The following MOG variants were observed in gnomAD, a reference collection of about 807,000 sequenced individuals.
MOG encodes myelin oligodendrocyte glycoprotein, also known as myelin-oligodendrocyte glycoprotein.
Under a neutral mutation model 35.9 loss-of-function variants are expected in MOG, and 20 were observed. The observed-to-expected ratio is 0.56, with a 90% CI of 0.39 to 0.81. The LOEUF (loss-of-function observed/expected upper bound fraction) is 0.81, where lower values mean the gene tolerates loss of function less well. Ranked by LOEUF, MOG falls within the 30% of genes least tolerant of loss-of-function variation. The pLI, the probability that MOG is intolerant of heterozygous loss-of-function variation, is 0.00. For synonymous variants in MOG, 92 were observed against 114.3 expected (o/e 0.80, Z 1.25); for missense variants, 251 against 301.0 (o/e 0.83, Z 1.23).
chr6:29,665,531 T>G (rs557647745), intron 2 of MOG, among the ~76,000 whole-genome samples: 1 of 152,270 alleles, frequency 6.6e-6, no homozygotes, highest in African/African-American at 2.4e-5. Flanking sequence ...TATTTTTTAT[T>G]CCCTATTTAA....
chr6:29,657,841 C>T (rs1351811213), intron 1 of MOG, among the ~76,000 whole-genome samples: 6 of 151,854 alleles, frequency 4.0e-5, no homozygotes, highest in Admixed American at 3.9e-4. Flanking sequence ...GATGGGGTTT[C>T]ACCATGTTGG....
chr6:29,658,622 C>T (rs184054120), intron 1 of MOG, among the ~76,000 whole-genome samples: 3 of 152,264 alleles, frequency 2.0e-5, no homozygotes, highest in Non-Finnish European at 2.9e-5. Flanking sequence ...AACAGGGAGG[C>T]CCATAGGAGG....
chr6:29,658,937 C>A (rs1254662854), intron 1 of MOG, among the ~76,000 whole-genome samples: 2 of 152,138 alleles, frequency 1.3e-5, no homozygotes, highest in Admixed American at 1.3e-4. Context: ...CAGTGTGAAA[C>A]CTCATCTTTA....
At position 29,672,130 on chromosome 6, in the gene MOG, T is replaced by C. The variant is rs1771601093; in HGVS notation, c.*945T>C. On this transcript the variant is annotated 3_prime_UTR_variant, in exon 8 of 8. Transcript: ENST00000376917. Reference sequence around the variant, plus strand: ...GGTGAAACCCCATCTCTACTAAAAATACAAACAATTAACTGAGCATAGTGG... The same window carrying C: ...GGTGAAACCCCATCTCTACTAAAAACACAAACAATTAACTGAGCATAGTGG... 6.5e-6 allele frequency: 1 copy of C among 153,246 alleles called. No individual in the cohort carries two copies. The highest frequency in any genetic ancestry group is 1.4e-5 in the Non-Finnish European group (1 of 69,108). The allele number at this position is 153,246 out of a possible 1,614,324, so 9.5% of individuals were successfully genotyped here. A position where few individuals can be genotyped will look rare whatever the true frequency, so the allele number is the denominator to read the frequency against.
rs180751649 is a variant in MOG, at chr6:29,664,270, C to T, written c.437-1882C>T. On this transcript the variant is annotated intron_variant, in intron 2 of 7. Coordinates refer to ENST00000376917, the MANE Select transcript of MOG (RefSeq NM_206809.4). ...TTACCCAGGCTGGAGTGCAATGGTG[C>T]AATCTCGGCTCACTGCACCCTCCAA... Among the ~76,000 whole-genome samples, 283 of 150,884 alleles carry T rather than the reference C, an allele frequency of 1.9e-3. 1 individual carries two copies. Among genetic ancestry groups the T allele is most frequent in the African/African-American group, 6.2e-3 (254 of 41,004 alleles).
In MOG at chr6:29,670,015, C is replaced by A; in HGVS notation, c.593-266C>A. The stretch of plus-strand genomic sequence containing the variant: ...TGAACTCTTGGCCTCATGATCCACC[C>A]GTCTCGGACTCCCAGAGTGTTGGGA... On this transcript the variant is annotated intron_variant, in intron 5 of 7. Coordinates refer to ENST00000376917, the MANE Select transcript of MOG (RefSeq NM_206809.4). The surrounding 1 kb of genome is among the most constrained non-coding windows in gnomAD (Gnocchi z 4.2). 1.4e-6 allele frequency: 1 copy of A among 702,228 alleles called. No individual in the cohort carries two copies. The highest frequency in any genetic ancestry group is 2.7e-5 in the East Asian group (1 of 37,178). 43.5% of individuals were successfully genotyped at this position (702,228 alleles called of 1,614,324 possible).
chr6:29,658,470 G>A (rs932984756), intron 1 of MOG, among the ~76,000 whole-genome samples: 2 of 152,196 alleles, frequency 1.3e-5, no homozygotes, highest in Non-Finnish European at 2.9e-5. Context: ...TCCCCAGGGT[G>A]GAAGATCTCA....
Position 29,659,434 on chromosome 6 carries a change from G to C in MOG, c.204G>C (p.Trp68Cys). 1 of 1,613,002 alleles carries C rather than the reference G, an allele frequency of 6.2e-7. No homozygotes were observed. Among genetic ancestry groups the C allele is most frequent in the Non-Finnish European group, 8.5e-7 (1 of 1,180,022 alleles). Residue 68 changes from tryptophan (W) to cysteine (C), a missense_variant, in exon 2 of 8, where the codon TGG (tryptophan) becomes TGC (cysteine). Trp to Cys is a radical substitution (Grantham distance 215, BLOSUM62 -2). Coordinates refer to ENST00000376917, the MANE Select transcript of MOG (RefSeq NM_206809.4). ...ACGCTACAGGCATGGAGGTGGGGTG[G>C]TACCGCCCCCCCTTCTCTAGGGTGG... is the stretch of plus-strand genomic sequence containing the variant. ...GKNATGMEVG[W>C]YRPPFSRVVH...
At chr6:29,668,244 A>T (rs1770657532) in intron 5 of MOG, among the ~76,000 whole-genome samples, 1 of 152,200 alleles carries the variant, frequency 6.6e-6, no homozygotes, top group Admixed American at 6.5e-5. Context: ...CGTAAACCTG[A>T]TGTCTGGTTG....
rs1351485066 is a variant in MOG at position 29,670,483 on chromosome 6, A to G, written c.709+86A>G. On this transcript the variant is annotated intron_variant, in intron 6 of 7. Transcript: ENST00000376917. This position sits in a 1 kb window ranked among gnomAD's most constrained non-coding sequence, Gnocchi z 4.2. ...TGGGAAGCCAAAAGAGAATAGAACC[A>G]GGACTCAAGATTAGGGGAGCTGGGA... 1 of 1,514,680 alleles carries G rather than the reference A, an allele frequency of 6.6e-7. No individual in the cohort carries two copies. The highest frequency in any genetic ancestry group is 1.4e-5 in the African/African-American group (1 of 72,800). The allele number at this position is 1,514,680 out of a possible 1,614,324, so 93.8% of individuals were successfully genotyped here.
rs776598051 is a variant in MOG, at chr6:29,670,973, G to GC, written c.731-195dup. On this transcript the variant is annotated intron_variant, in intron 7 of 7. Transcript: ENST00000376917. This position sits in a 1 kb window ranked among gnomAD's most constrained non-coding sequence, Gnocchi z 4.2. ...CCACCTGATCCATTCCTCCTTCACT[G>GC]CCCCTAAGCAGGAATCCAACCCTAG... is the stretch of plus-strand genomic sequence containing the variant. The GC allele has an allele frequency of 6.2e-6, 10 of 1,612,098 alleles. No homozygotes were observed. The highest frequency in any genetic ancestry group is 8.5e-6 in the Non-Finnish European group (10 of 1,179,788).
chr6:29,665,418 G>A (rs889058314), intron 2 of MOG, among the ~76,000 whole-genome samples: 16 of 151,992 alleles, frequency 1.1e-4, no homozygotes, highest in Non-Finnish European at 1.8e-4. Context: ...TTTTATTGAC[G>A]ACAAAGTCAA....
Position 29,659,151 on chromosome 6 carries a change from A to G in MOG, c.89-168A>G, listed in dbSNP as rs181108006. ...CTCAAAAAATAAATGAATAAATAAA[A>G]AGGAAGAAGAAGAAGAAGAACAATT... On this transcript the variant is annotated intron_variant, in intron 1 of 7. Coordinates refer to ENST00000376917, the MANE Select transcript of MOG (RefSeq NM_206809.4). Among the ~76,000 whole-genome samples the G allele has an allele frequency of 6.9e-3, 1,038 of 151,096 alleles. 2 individuals carry two copies. Among genetic ancestry groups the G allele is most frequent in the Non-Finnish European group, 9.7e-3 (659 of 67,980 alleles).
intron 2 of MOG, chr6:29,659,970 G>A (rs942747417): frequency 6.4e-5 from 31 of 482,756 alleles, no homozygotes; most frequent in African/African-American, 5.7e-4. Context: ...TAGGCCAGAT[G>A]GTTTGGAGGC....
chr6:29,659,252 T>C, intron 1 of MOG, 67 bp from the exon 2 acceptor site: 1 of 1,487,448 alleles, frequency 6.7e-7, no homozygotes, highest in Non-Finnish European at 9.4e-7. Context: ...GCAGCCCTTC[T>C]CATGACAGGC....
At position 29,662,199 on chromosome 6, in the gene MOG, A is replaced by G; in HGVS notation, c.436+2533A>G. ...ATTCTTCATTATGAAACATAAAAACAAATGCCAGGCGCGGCAGCTCACGCC... is the reference window on the plus strand; with the variant it reads ...ATTCTTCATTATGAAACATAAAAACGAATGCCAGGCGCGGCAGCTCACGCC... On this transcript the variant is annotated intron_variant, in intron 2 of 7. Coordinates refer to ENST00000376917, the MANE Select transcript of MOG (RefSeq NM_206809.4). The surrounding 1 kb of genome is among the most constrained non-coding windows in gnomAD (Gnocchi z 4.2). The G allele has an allele frequency of 1.0e-6, 1 of 984,860 alleles. No individual in the cohort carries two copies. Among genetic ancestry groups the G allele is most frequent in the Non-Finnish European group, 1.2e-6 (1 of 829,492 alleles). 61.0% of individuals were successfully genotyped at this position (984,860 alleles called of 1,614,324 possible).
Position 29,671,493 on chromosome 6 carries a change from T to A in MOG, c.*308T>A. On this transcript the variant is annotated 3_prime_UTR_variant, in exon 8 of 8. Coordinates refer to ENST00000376917, the MANE Select transcript of MOG (RefSeq NM_206809.4). The stretch of plus-strand genomic sequence containing the variant: ...TCTCTCCATCAGAGGACACCTGTAC[T>A]GGAGAGCAACACAGGATGGTCTCTG... 2 of 1,289,074 alleles carry A rather than the reference T, an allele frequency of 1.6e-6. No individual in the cohort carries two copies. The highest frequency in any genetic ancestry group is 2.3e-6 in the Non-Finnish European group (2 of 884,650). 79.9% of individuals were successfully genotyped at this position (1,289,074 alleles called of 1,614,324 possible).
chr6:29,661,713 G>A (rs1313427617), intron 2 of MOG: 1 of 884,384 alleles, frequency 1.1e-6, no homozygotes, highest in Non-Finnish European at 1.4e-6. Context: ...CCAGCTGGGA[G>A]GCTGAGGCAG....
At position 29,671,197 on chromosome 6, in the gene MOG, T is replaced by A; in HGVS notation, c.*12T>A. 1 of 1,612,958 alleles carries A rather than the reference T, an allele frequency of 6.2e-7. No homozygotes were observed. The highest frequency in any genetic ancestry group is 1.3e-5 in the African/African-American group (1 of 75,064). ...GAAATCCCTTCTGAGTGATGTCACA[T>A]CTTGGCAGGGGTGGAGGAGAGCCTG... On this transcript the variant is annotated 3_prime_UTR_variant, in exon 8 of 8. Coordinates refer to ENST00000376917, the MANE Select transcript of MOG (RefSeq NM_206809.4).
Sources: gnomAD v4.1 joint callset for allele counts (sites outside exome capture counted in the v4.1 genomes callset) on GRCh38, gnomAD v4.1.1 for gene constraint, Gnocchi (gnomAD v3.1) non-coding constraint, MANE v1.5 for transcripts, NCBI Gene and HGNC (gene_info 2026-07-23, HGNC 2026-07-21) for gene names.